Variants in RHD observed in about 807,000 individuals in gnomAD.
RHD encodes Rh blood group D antigen, also known as blood group Rh(D) polypeptide.
In RHD, 16 loss-of-function variants were observed where a neutral mutation model predicts 45.5. The observed-to-expected ratio is 0.35, with a 90% CI of 0.24 to 0.53. RHD has a LOEUF of 0.53. RHD is among the 20% of genes least tolerant of loss of function. The pLI, the probability that RHD is intolerant of heterozygous loss-of-function variation, is 0.92. For synonymous variants in RHD, 131 were observed against 217.5 expected, an observed-to-expected ratio of 0.60 and a Z score of 3.50; for missense variants, 306 against 532.0, an observed-to-expected ratio of 0.58 and a Z score of 4.18.
At position 25,329,414 on chromosome 1, in the gene RHD, T is replaced by G. The variant is rs1478043568; in HGVS notation, c.*490T>G. 3.9e-6 allele frequency: 1 copy of G among 259,714 alleles called. No individual in the cohort carries two copies. The highest frequency in any genetic ancestry group is 2.4e-5 in the African/African-American group (1 of 41,242). The allele number at this position is 259,714 out of a possible 1,614,324, so 16.1% of individuals were successfully genotyped here. On this transcript the variant is annotated 3_prime_UTR_variant, in exon 10 of 10. Transcript: ENST00000328664. ...CACCCACCACATCTGGCTAATTTTT[T>G]GTATTTTTAGTAAAGATGGGGTTTC...
At chr1:25,314,753 C>G (rs974670888) in intron 7 of RHD, among the ~76,000 whole-genome samples, 2 of 131,852 alleles carry the variant, frequency 1.5e-5, no homozygotes, top group African/African-American at 5.2e-5. Context: ...TTTGGCCCAC[C>G]TTGGCCTCCC....
chr1:25,280,219 C>T lies in RHD; in HGVS notation c.149-4354C>T, dbSNP rs1354548916. Reference sequence around the variant, plus strand: ...GAGCCTTGGGGAGGAAGGCCCTGAGCGCGTATACCTGGAATCAGGGAATCG... The same window carrying T: ...GAGCCTTGGGGAGGAAGGCCCTGAGTGCGTATACCTGGAATCAGGGAATCG... On this transcript the variant is annotated intron_variant, in intron 1 of 9. Transcript: ENST00000328664. Among the ~76,000 whole-genome samples the T allele has an allele frequency of 4.7e-5, 6 of 126,828 alleles. 2 individuals are homozygous for T. In the South Asian group the frequency reaches 9.5e-4, roughly 20 times the overall value. 83.2% of individuals were successfully genotyped at this position (126,828 alleles called of 152,430 possible).
intron 6 of RHD, among the ~76,000 whole-genome samples, chr1:25,305,963 C>A (rs1643794302): frequency 7.6e-6 from 1 of 132,082 alleles, no homozygotes; most frequent in Non-Finnish European, 1.8e-5. Context: ...ATTGAATTTG[C>A]ATATGTGTCC....
intron 2 of RHD, among the ~76,000 whole-genome samples, chr1:25,287,406 G>A (rs191257877): frequency 1.8e-4 from 24 of 135,434 alleles, no homozygotes; most frequent in East Asian, 1.7e-3. Context: ...GAACTCCCCT[G>A]CCCCACCCCT....
At position 25,307,877 on chromosome 1, in the gene RHD, G is replaced by A. The variant is rs2765554; in HGVS notation, c.1073+1148G>A. On this transcript the variant is annotated intron_variant, in intron 7 of 9. Transcript: ENST00000328664. ...GCTGTGTGAAGCAAGGCGCCTCTGT[G>A]ATGGGTTCCAGTGATGTGTCTGCCA... The A allele has an allele frequency of 9.5e-6, 12 of 1,259,756 alleles. 2 individuals are homozygous for A. The African/African-American group carries it at 1.0e-4, about 11-fold the overall frequency. The allele number at this position is 1,259,756 out of a possible 1,614,324, so 78.0% of individuals were successfully genotyped here.
intron 2 of RHD, among the ~76,000 whole-genome samples, chr1:25,285,151 T>TTTTTTTTTA (rs1641859511): frequency 7.5e-6 from 1 of 132,866 alleles, no homozygotes; most frequent in African/African-American, 2.6e-5. Context: ...TTTTTTTTTT[T>TTTTTTTTTA]GAGACGGAGT....
rs1170705293 is a variant in RHD, at chr1:25,290,964, C to A, written c.486+173C>A. On this transcript the variant is annotated intron_variant, in intron 3 of 9. Transcript: ENST00000328664. ...TTTGAGACCAGCCTGGGCATCATAG[C>A]AAGATCCTCATCTCTAAAAAGTAAT... Among the ~76,000 whole-genome samples, 6 of 129,582 alleles carry A rather than the reference C, an allele frequency of 4.6e-5. 2 individuals are homozygous for A. 85.0% of individuals were successfully genotyped at this position (129,582 alleles called of 152,430 possible). A position where few individuals can be genotyped will look rare whatever the true frequency, so the allele number is the denominator to read the frequency against.
rs2427763 is a variant in RHD at position 25,314,931 on chromosome 1, G to A, written c.1074-2069G>A. Among the ~76,000 whole-genome samples the A allele has an allele frequency of 1.2e-3, 162 of 130,670 alleles. 36 individuals carry two copies. The Middle Eastern group carries it at 0.038, about 31-fold the overall frequency. 85.7% of individuals were successfully genotyped at this position (130,670 alleles called of 152,430 possible). On this transcript the variant is annotated intron_variant, in intron 7 of 9. Coordinates refer to ENST00000328664, the MANE Select transcript of RHD (RefSeq NM_016124.6). ...CTTTTTAAGAATTTTTGCAGCCAGC[G>A]CGGTGGCTCACACCTGTAATCCCAG...
rs1330431675 is a variant in RHD at position 25,280,834 on chromosome 1, C to T, written c.149-3739C>T. ...CTATGTTGCCTAGGCTGGTCTTGAACTCCTCAGCTCAAGCAATCCTCCCTC... is the reference window on the plus strand; with the variant it reads ...CTATGTTGCCTAGGCTGGTCTTGAATTCCTCAGCTCAAGCAATCCTCCCTC... On this transcript the variant is annotated intron_variant, in intron 1 of 9. Transcript: ENST00000328664. Among the ~76,000 whole-genome samples, 8 of 131,652 alleles carry T rather than the reference C, an allele frequency of 6.1e-5. 3 individuals carry two copies. The highest frequency in any genetic ancestry group is 1.4e-4 in the Non-Finnish European group (8 of 55,718). The allele number at this position is 131,652 out of a possible 152,430, so 86.4% of individuals were successfully genotyped here.
intron 3 of RHD, among the ~76,000 whole-genome samples, chr1:25,298,768 G>C (rs1406633804): frequency 7.6e-6 from 1 of 131,228 alleles, no homozygotes; most frequent in African/African-American, 2.6e-5. Context: ...GTCTGTTCCA[G>C]AAGGAAAGAC....
intron 5 of RHD, 101 bp downstream of exon 5, chr1:25,301,787 G>T (rs184775001): frequency 5.5e-6 from 5 of 904,938 alleles, no homozygotes; most frequent in Non-Finnish European, 8.9e-6. Flanking sequence ...TTGGGAGAGG[G>T]CATGCCGGGT....
In RHD at chr1:25,301,697, C is replaced by A. The variant is rs200866363; in HGVS notation, c.801+11C>A. The A allele has an allele frequency of 1.5e-6, 2 of 1,377,042 alleles. No homozygotes were observed. Among genetic ancestry groups the A allele is most frequent in the South Asian group, 2.4e-5 (2 of 84,920 alleles). 85.3% of individuals were successfully genotyped at this position (1,377,042 alleles called of 1,614,324 possible). ...GGGAAGATCAGCAAGGTGAGCAGGGCGCTGCCCTTGGGCAGCACTTGGGTC... is the reference window on the plus strand; with the variant it reads ...GGGAAGATCAGCAAGGTGAGCAGGGAGCTGCCCTTGGGCAGCACTTGGGTC... On this transcript the variant is annotated intron_variant, in intron 5 of 9. Coordinates refer to ENST00000328664, the MANE Select transcript of RHD (RefSeq NM_016124.6).
Position 25,313,816 on chromosome 1 carries a change from T to C in RHD, c.1074-3184T>C, listed in dbSNP as rs1270806891. Among the ~76,000 whole-genome samples, 11 of 132,898 alleles carry C rather than the reference T, an allele frequency of 8.3e-5. 2 individuals are homozygous for C. The highest frequency in any genetic ancestry group is 2.3e-4 in the South Asian group (1 of 4,372). The allele number at this position is 132,898 out of a possible 152,430, so 87.2% of individuals were successfully genotyped here. A position where few individuals can be genotyped will look rare whatever the true frequency, so the allele number is the denominator to read the frequency against. On this transcript the variant is annotated intron_variant, in intron 7 of 9. Coordinates refer to ENST00000328664, the MANE Select transcript of RHD (RefSeq NM_016124.6). ...TGAGGGGTTTATAATATGAGTTTCC[T>C]ATGCCTGAGAAAGCTGACTTGCAAG... is the stretch of plus-strand genomic sequence containing the variant.
At chr1:25,296,744 TTCTC>T (rs1339360234) in intron 3 of RHD, among the ~76,000 whole-genome samples, 1 of 121,812 alleles carries the variant, frequency 8.2e-6, no homozygotes, top group African/African-American at 2.7e-5. Flanking sequence ...CTCTCTCTCT[TTCTC>T]TCTCTCTCTC....
At position 25,272,568 on chromosome 1, in the gene RHD, G is replaced by T; in HGVS notation, c.21G>T (p.Arg7=). The change falls in exon 1 of 10, where the codon CGG becomes CGT. Residue 7 remains arginine, a synonymous_variant. Coordinates refer to ENST00000328664, the MANE Select transcript of RHD (RefSeq NM_016124.6). The part of the protein sequence containing the change: MSSKYP[R]SVRRCLPLWA... ...ACAGGATGAGCTCTAAGTACCCGCG[G>T]TCTGTCCGGCGCTGCCTGCCCCTCT... 1 of 1,583,134 alleles carries T rather than the reference G, an allele frequency of 6.3e-7. No homozygotes were observed. Among genetic ancestry groups the T allele is most frequent in the Admixed American group, 1.7e-5 (1 of 58,512 alleles).
rs573680751 is a variant in RHD, at chr1:25,274,134, C to T, written c.148+1439C>T. Reference sequence around the variant, plus strand: ...GATATTTATGAGCACTTACTATGTACCAGGCACTATTCTACATGCTTTACA... The same window carrying T: ...GATATTTATGAGCACTTACTATGTATCAGGCACTATTCTACATGCTTTACA... On this transcript the variant is annotated intron_variant, in intron 1 of 9. Transcript: ENST00000328664. 7.5e-5 allele frequency among the ~76,000 whole-genome samples: 10 copies of T among 132,532 alleles called. No individual in the cohort carries two copies. In the East Asian group the frequency reaches 1.9e-3, roughly 26 times the overall value. 86.9% of individuals were successfully genotyped at this position (132,532 alleles called of 152,430 possible). A position where few individuals can be genotyped will look rare whatever the true frequency, so the allele number is the denominator to read the frequency against.
At chr1:25,283,725 G>A (rs889378195) in intron 1 of RHD, among the ~76,000 whole-genome samples, 2 of 133,862 alleles carry the variant, frequency 1.5e-5, no homozygotes, top group African/African-American at 2.6e-5. Flanking sequence ...GGAAATGTAG[G>A]CTGTTATAAA....
rs1452275961 is a variant in RHD, at chr1:25,309,212, G to C, written c.1073+2483G>C. Among the ~76,000 whole-genome samples the C allele has an allele frequency of 6.1e-5, 8 of 131,688 alleles. 2 individuals are homozygous for C. Among genetic ancestry groups the C allele is most frequent in the Non-Finnish European group, 1.4e-4 (8 of 55,976 alleles). 86.4% of individuals were successfully genotyped at this position (131,688 alleles called of 152,430 possible). ...ATGCTGTGATCAGAACCAGGATGGA[G>C]CATTTCCCACAAACTGTGGGATTTT... On this transcript the variant is annotated intron_variant, in intron 7 of 9. Transcript: ENST00000328664.
At chr1:25,309,865 G>A (rs1305625062) in intron 7 of RHD, among the ~76,000 whole-genome samples, 1 of 133,362 alleles carries the variant, frequency 7.5e-6, no homozygotes, top group African/African-American at 2.5e-5. Context: ...CTGTTATCAT[G>A]GTGATGGATT....
Sources: gnomAD v4.1 joint callset for allele counts (sites outside exome capture counted in the v4.1 genomes callset) on GRCh38, gnomAD v4.1.1 for gene constraint, MANE v1.5 for transcripts, NCBI Gene and HGNC (gene_info 2026-07-23, HGNC 2026-07-21) for gene names.